PACRG: variants seen among roughly 807,000 people sequenced by gnomAD.
PACRG encodes the protein parkin coregulated gene protein.
PACRG carries 29 observed loss-of-function variants against 29.7 expected under a neutral mutation model. The observed-to-expected ratio is 0.98, with a 90% CI of 0.73 to 1.33. The LOEUF (loss-of-function observed/expected upper bound fraction) is 1.33, where lower values mean the gene tolerates loss of function less well. Ranked by LOEUF, PACRG falls within the 40% of genes most tolerant of loss-of-function variation. PACRG has a pLI of 0.00. For synonymous variants in PACRG, 116 were observed against 118.7 expected (o/e 0.98, Z 0.15); for missense variants, 279 against 316.2 (o/e 0.88, Z 0.89).
intron 2 of PACRG, among the ~76,000 whole-genome samples, chr6:162,965,562 A>C (rs1800958176): frequency 1.3e-5 from 2 of 152,178 alleles, no homozygotes; most frequent in African/African-American, 4.8e-5. Context: ...CTTAATCCTC[A>C]TGACCTAATG....
In PACRG at chr6:162,777,246, T is replaced by C. The variant is rs1368151624; in HGVS notation, c.157-36901T>C. On this transcript the variant is annotated intron_variant, in intron 1 of 4. Transcript: ENST00000366888. The surrounding 1 kb of genome is among the most constrained non-coding windows in gnomAD (Gnocchi z 4.0). ...CCTCGTGCCGGCTGTGTGACGTTGT[T>C]TTTCTCCACTTCGGGACATGCAGTT... 6.6e-6 allele frequency among the ~76,000 whole-genome samples: 1 copy of C among 152,180 alleles called. No individual in the cohort carries two copies. The highest frequency in any genetic ancestry group is 1.5e-5 in the Non-Finnish European group (1 of 68,022).
rs534087961 is a variant in PACRG at position 162,962,133 on chromosome 6, T to C, written c.292-100017T>C. ...TGAACCCTTTTCTGGCCCTACCTCA[T>C]TTAACCTCTGACACTTATGGGCCTC... On this transcript the variant is annotated intron_variant, in intron 2 of 4. Transcript: ENST00000366888. 2.6e-5 allele frequency among the ~76,000 whole-genome samples: 4 copies of C among 152,280 alleles called. No homozygotes were observed. In the East Asian group the frequency reaches 7.8e-4, roughly 30 times the overall value.
chr6:163,223,408 A>G (rs1781664637), intron 4 of PACRG, among the ~76,000 whole-genome samples: 1 of 152,190 alleles, frequency 6.6e-6, no homozygotes, highest in South Asian at 2.1e-4. Context: ...AATGAAAAAT[A>G]AAAAATAAAA....
chr6:163,121,595 C>T (rs1816272864), intron 4 of PACRG, among the ~76,000 whole-genome samples: 1 of 151,886 alleles, frequency 6.6e-6, no homozygotes, highest in Admixed American at 6.6e-5. Context: ...AAAACAGACC[C>T]ATCAGAAGCT....
chr6:162,990,327 TG>T (rs1282839543), intron 2 of PACRG, among the ~76,000 whole-genome samples: 8 of 151,884 alleles, frequency 5.3e-5, no homozygotes, highest in Non-Finnish European at 1.0e-4. Context: ...ACTTCCACAA[TG>T]GTTGAACTAG....
At chr6:163,179,251 G>A (rs1230777483) in intron 4 of PACRG, 11 of 455,996 alleles carry the variant, frequency 2.4e-5, no homozygotes, top group Non-Finnish European at 4.0e-5. Context: ...GCCAACAAGC[G>A]AGACAGAAAG....
intron 2 of PACRG, among the ~76,000 whole-genome samples, chr6:162,890,878 T>C (rs971147124): frequency 2.0e-5 from 3 of 152,130 alleles, no homozygotes; most frequent in Non-Finnish European, 4.4e-5. Flanking sequence ...CTGTGGCTGA[T>C]GGTTTTAATG....
chr6:162,967,849 G>C (rs1055080252), intron 2 of PACRG, among the ~76,000 whole-genome samples: 3 of 152,040 alleles, frequency 2.0e-5, no homozygotes, highest in Non-Finnish European at 4.4e-5. Context: ...GCACAAATAT[G>C]TTCTTCAAAA....
chr6:163,027,711 G>A (rs1047059926), intron 2 of PACRG, among the ~76,000 whole-genome samples: 3 of 152,198 alleles, frequency 2.0e-5, no homozygotes, highest in Admixed American at 2.0e-4. Flanking sequence ...CAATACAGAA[G>A]CACTTCTATA....
intron 4 of PACRG, among the ~76,000 whole-genome samples, chr6:163,117,750 T>TGAA (rs1816074902): frequency 1.0e-5 from 1 of 99,152 alleles, no homozygotes; most frequent in African/African-American, 5.2e-5. Flanking sequence ...AGACTCTGTC[T>TGAA]CAAAAAAAAA....
At chr6:162,995,017 G>A (rs1054126396) in intron 2 of PACRG, among the ~76,000 whole-genome samples, 1 of 150,976 alleles carries the variant, frequency 6.6e-6, no homozygotes, top group African/African-American at 2.5e-5. Context: ...GTGTCAGTGT[G>A]CCCCTGCTGG....
At chr6:162,928,330 C>T (rs1020006624) in intron 2 of PACRG, among the ~76,000 whole-genome samples, 1 of 151,842 alleles carries the variant, frequency 6.6e-6, no homozygotes, top group African/African-American at 2.4e-5. Context: ...CCCTAATGAT[C>T]CTTTGTATTT....
At chr6:162,823,950 G>C (rs1788060602) in intron 2 of PACRG, among the ~76,000 whole-genome samples, 1 of 152,158 alleles carries the variant, frequency 6.6e-6, no homozygotes, top group Non-Finnish European at 1.5e-5. Flanking sequence ...GTTTCACCTG[G>C]TCTTATTCTG....
At chr6:163,114,702 G>A (rs1815888213) in intron 4 of PACRG, among the ~76,000 whole-genome samples, 1 of 152,064 alleles carries the variant, frequency 6.6e-6, no homozygotes, top group Non-Finnish European at 1.5e-5. Context: ...GGGCTGTGGG[G>A]TGGGAGAAAT....
At chr6:162,942,119 C>A (rs1198647586) in intron 2 of PACRG, among the ~76,000 whole-genome samples, 1 of 152,218 alleles carries the variant, frequency 6.6e-6, no homozygotes, top group East Asian at 1.9e-4. Context: ...AACTCCCTGT[C>A]TAACCTTTCG....
At chr6:163,016,667 G>A (rs1806141616) in intron 2 of PACRG, among the ~76,000 whole-genome samples, 1 of 152,040 alleles carries the variant, frequency 6.6e-6, no homozygotes, top group East Asian at 1.9e-4. Context: ...TGCAAGCACA[G>A]GAAAGTTACA....
intron 2 of PACRG, among the ~76,000 whole-genome samples, chr6:163,035,592 G>C (rs1472674301): frequency 1.3e-5 from 2 of 151,838 alleles, no homozygotes; most frequent in African/African-American, 2.4e-5. Flanking sequence ...GTTGCAGTGA[G>C]CCTAGATCAT....
chr6:162,757,249 A>G (rs1055656516), intron 1 of PACRG, among the ~76,000 whole-genome samples: 20 of 152,192 alleles, frequency 1.3e-4, no homozygotes, highest in African/African-American at 4.8e-4. Flanking sequence ...ATTTGTGTTC[A>G]TAATTGATAC....
chr6:162,864,187 C>T lies in PACRG; in HGVS notation c.291+49906C>T, dbSNP rs369648436. Among the ~76,000 whole-genome samples, 48 of 152,242 alleles carry T rather than the reference C, an allele frequency of 3.2e-4. No homozygotes were observed. The South Asian group carries it at 3.5e-3, about 11-fold the overall frequency. On this transcript the variant is annotated intron_variant, in intron 2 of 4. Coordinates refer to ENST00000366888, the MANE Select transcript of PACRG (RefSeq NM_001080379.2). ...GTTCCCTGTTGACATTTGATTAAGGCTTTGCCCATGCTGCTTGAATAAAAA... is the reference window on the plus strand; with the variant it reads ...GTTCCCTGTTGACATTTGATTAAGGTTTTGCCCATGCTGCTTGAATAAAAA...
Sources: allele counts gnomAD v4.1 joint callset (sites outside exome capture counted in the v4.1 genomes callset), GRCh38; gene constraint gnomAD v4.1.1; non-coding constraint Gnocchi (gnomAD v3.1); transcripts MANE v1.5; gene names NCBI Gene and HGNC (gene_info 2026-07-23, HGNC 2026-07-21).